The following PCDH15 variants were observed in gnomAD, a reference collection of about 807,000 sequenced individuals.
PCDH15 encodes protocadherin related 15.
Under a neutral mutation model 178.5 loss-of-function variants are expected in PCDH15, and 129 were observed. The ratio of observed to expected loss-of-function variants is 0.72; its 90% CI spans 0.63 to 0.84. The LOEUF is 0.84. Ranked by LOEUF, PCDH15 falls within the 40% of genes least tolerant of loss-of-function variation. PCDH15 has a pLI of 0.00. For missense variants in PCDH15, 2,230 were observed against 2,099.9 expected, an observed-to-expected ratio of 1.06 and a Z score of -1.21; for synonymous variants, 800 against 732.0, an observed-to-expected ratio of 1.09 and a Z score of -1.50.
intron 2 of PCDH15, among the ~76,000 whole-genome samples, chr10:54,999,976 A>G (rs1389838008): frequency 6.6e-6 from 1 of 152,188 alleles, no homozygotes; most frequent in Admixed American, 6.5e-5. Flanking sequence ...CGTGCTTCAC[A>G]AGGTAATAAG....
At chr10:55,288,484 T>C (rs1842929777) in intron 1 of PCDH15, among the ~76,000 whole-genome samples, 2 of 151,876 alleles carry the variant, frequency 1.3e-5, no homozygotes. Context: ...CTAGAGCTTA[T>C]TCATCTTGCC....
At chr10:54,414,217 T>G (rs536902563) in intron 3 of PCDH15, among the ~76,000 whole-genome samples, 29 of 152,208 alleles carry the variant, frequency 1.9e-4, no homozygotes, top group African/African-American at 6.7e-4. Context: ...AACTGAAGAC[T>G]TGAATCAAAT....
intron 2 of PCDH15, among the ~76,000 whole-genome samples, chr10:55,346,590 T>C (rs1844759969): frequency 6.6e-6 from 1 of 152,116 alleles, no homozygotes; most frequent in Non-Finnish European, 1.5e-5. Flanking sequence ...CTCTGGACCT[T>C]TGCAGTGAAT....
At chr10:54,597,784 C>T (rs549412597) in intron 2 of PCDH15, among the ~76,000 whole-genome samples, 1 of 151,890 alleles carries the variant, frequency 6.6e-6, no homozygotes, top group South Asian at 2.1e-4. Context: ...TAAACAGAAT[C>T]ATAAATGAGA....
chr10:54,777,377 A>G, intron 1 of PCDH15, among the ~76,000 whole-genome samples: 1 of 152,206 alleles, frequency 6.6e-6, no homozygotes, highest in East Asian at 1.9e-4. Flanking sequence ...AGGAGAAAGA[A>G]AGAACAATCT....
chr10:55,026,138 A>G (rs1198941244), intron 2 of PCDH15, among the ~76,000 whole-genome samples: 1 of 152,014 alleles, frequency 6.6e-6, no homozygotes, highest in Non-Finnish European at 1.5e-5. Context: ...AAGTCATTTC[A>G]ATATTTTCCA....
chr10:55,218,915 T>C (rs1027222874), intron 1 of PCDH15, among the ~76,000 whole-genome samples: 1 of 152,104 alleles, frequency 6.6e-6, no homozygotes, highest in South Asian at 2.1e-4. Context: ...ATTTTTCATA[T>C]GTAAATGACA....
chr10:55,547,886 G>GGT (rs1488373575), intron 2 of PCDH15, among the ~76,000 whole-genome samples: 59 of 57,588 alleles, frequency 1.0e-3, no homozygotes, highest in African/African-American at 3.7e-3. Context: ...GCAGGGAGGT[G>GGT]GTGTGTGTGT....
intron 2 of PCDH15, among the ~76,000 whole-genome samples, chr10:55,058,563 C>G (rs1246999877): frequency 6.6e-6 from 1 of 152,120 alleles, no homozygotes; most frequent in Non-Finnish European, 1.5e-5. Context: ...CTTCTTTGTT[C>G]TAACGTGTAC....
chr10:55,558,891 A>G (rs1448246356), intron 2 of PCDH15, among the ~76,000 whole-genome samples: 1 of 152,098 alleles, frequency 6.6e-6, no homozygotes, highest in Non-Finnish European at 1.5e-5. Flanking sequence ...GAAGTGTAAT[A>G]CATGTACAGA....
At chr10:54,066,946 A>C (rs1709198659) in intron 17 of PCDH15, 61 bp from the exon 18 acceptor site, 1 of 1,542,154 alleles carries the variant, frequency 6.5e-7, no homozygotes, top group East Asian at 2.3e-5. Context: ...AATTCATTTA[A>C]GTAGTCATTC....
chr10:53,816,444 A>G (rs2076061945), intron 34 of PCDH15, among the ~76,000 whole-genome samples, 167 bp from the exon 35 acceptor site: 1 of 152,186 alleles, frequency 6.6e-6, no homozygotes, highest in Non-Finnish European at 1.5e-5. Flanking sequence ...ATTTTAACTA[A>G]TTCTTTATAT....
chr10:54,421,870 CTA>C (rs71185273), intron 3 of PCDH15, among the ~76,000 whole-genome samples: 2,474 of 64,580 alleles, frequency 0.038, 114 homozygotes, highest in Middle Eastern at 0.2. Flanking sequence ...TATACACACA[CTA>C]TATATATATA....
At chr10:55,521,397 T>C (rs937041806) in intron 2 of PCDH15, among the ~76,000 whole-genome samples, 6 of 151,980 alleles carry the variant, frequency 3.9e-5, no homozygotes, top group Admixed American at 3.9e-4. Flanking sequence ...CAGCAAACGG[T>C]CTTCAACTTA....
intron 18 of PCDH15, among the ~76,000 whole-genome samples, chr10:54,033,448 C>G (rs1301175590): frequency 6.6e-6 from 1 of 151,940 alleles, no homozygotes; most frequent in African/African-American, 2.4e-5. Flanking sequence ...AATGCATGCT[C>G]TAGCCAAAAG....
At chr10:55,231,364 C>T (rs16907130) in intron 1 of PCDH15, among the ~76,000 whole-genome samples, 9,327 of 151,806 alleles carry the variant, frequency 0.061, 358 homozygotes, top group Non-Finnish European at 0.09. Context: ...TACTGACTCC[C>T]GAATAATGTA....
intron 1 of PCDH15, among the ~76,000 whole-genome samples, chr10:55,308,537 T>C (rs1444854300): frequency 6.6e-6 from 1 of 152,132 alleles, no homozygotes; most frequent in Non-Finnish European, 1.5e-5. Flanking sequence ...CTGAAATCAT[T>C]TTCTAATACA....
intron 2 of PCDH15, among the ~76,000 whole-genome samples, chr10:55,565,443 C>A (rs969020464): frequency 2.0e-5 from 3 of 151,340 alleles, no homozygotes; most frequent in African/African-American, 7.3e-5. Context: ...TCAAATCAAC[C>A]ACTTTACAAC....
intron 2 of PCDH15, among the ~76,000 whole-genome samples, chr10:55,038,494 C>T (rs1001017958): frequency 2.0e-5 from 3 of 152,056 alleles, no homozygotes; most frequent in African/African-American, 7.2e-5. Context: ...TGGTTGTGGG[C>T]CACACTTAAA....
Sources: allele counts gnomAD v4.1 joint callset (sites outside exome capture counted in the v4.1 genomes callset), GRCh38; gene constraint gnomAD v4.1.1; transcripts MANE v1.5; gene names NCBI Gene and HGNC (gene_info 2026-07-23, HGNC 2026-07-21).